FOCAD: variants seen among roughly 807,000 people sequenced by gnomAD.
FOCAD encodes the protein KIAA1797.
Under a neutral mutation model 225.6 loss-of-function variants are expected in FOCAD, and 198 were observed. The observed-to-expected ratio is 0.88, with a 90% CI of 0.78 to 0.99. FOCAD has a LOEUF of 0.99. Ranked by LOEUF, FOCAD falls within the 50% of genes least tolerant of loss-of-function variation. FOCAD has a pLI of 0.00. For synonymous variants in FOCAD, 897 were observed against 755.0 expected (o/e 1.19, Z -3.08); for missense variants, 2,713 against 2,123.6 (o/e 1.28, Z -5.46).
intron 4 of FOCAD, among the ~76,000 whole-genome samples, chr9:20,731,064 C>T (rs184906280): frequency 1.9e-4 from 29 of 152,208 alleles, no homozygotes; most frequent in Admixed American, 1.0e-3. Flanking sequence ...GGCAAAACCC[C>T]ATCTCTACTA....
chr9:20,817,566 T>G lies in FOCAD; in HGVS notation c.1456-2230T>G, dbSNP rs189475568. 6.6e-5 allele frequency among the ~76,000 whole-genome samples: 10 copies of G among 152,196 alleles called. No individual in the cohort carries two copies. In the East Asian group the frequency reaches 1.9e-3, roughly 29 times the overall value. On this transcript the variant is annotated intron_variant, in intron 11 of 43. Coordinates refer to ENST00000338382, the MANE Select transcript of FOCAD (RefSeq NM_001375567.1). Reference sequence around the variant, plus strand: ...TATCCTGTTGTGTGGTTATATTGTATTTTGTTTATTTATTCGTCAGTTGAT... The same window carrying G: ...TATCCTGTTGTGTGGTTATATTGTAGTTTGTTTATTTATTCGTCAGTTGAT...
intron 4 of FOCAD, among the ~76,000 whole-genome samples, chr9:20,725,900 C>T (rs1459062654): frequency 6.6e-6 from 1 of 152,006 alleles, no homozygotes; most frequent in Non-Finnish European, 1.5e-5. Context: ...CAATTGTAAA[C>T]TCGTTTTTAT....
At chr9:20,990,571 A>G (rs1841565848) in intron 42 of FOCAD, among the ~76,000 whole-genome samples, 197 bp downstream of exon 42, 1 of 152,214 alleles carries the variant, frequency 6.6e-6, no homozygotes, top group East Asian at 1.9e-4. Flanking sequence ...TGATTAAACA[A>G]CAAGGTGGCA....
chr9:20,688,442 A>T lies in FOCAD; in HGVS notation c.-33+4149A>T, dbSNP rs749067061. ...CATGAGCAATATCAGATGTATGGGGAGAATAAGATCAGTAGTCTTGGACAT... is the reference window on the plus strand; with the variant it reads ...CATGAGCAATATCAGATGTATGGGGTGAATAAGATCAGTAGTCTTGGACAT... On this transcript the variant is annotated intron_variant, in intron 1 of 43. Transcript: ENST00000338382. Among the ~76,000 whole-genome samples, 46 of 152,180 alleles carry T rather than the reference A, an allele frequency of 3.0e-4. 1 individual carries two copies. The highest frequency in any genetic ancestry group is 1.1e-3 in the Admixed American group (17 of 15,266).
chr9:20,850,899 T>C (rs1827581922), intron 15 of FOCAD, among the ~76,000 whole-genome samples: 2 of 149,992 alleles, frequency 1.3e-5, no homozygotes, highest in Admixed American at 6.7e-5. Flanking sequence ...TGCATGTTTA[T>C]GTATCAGTCT....
chr9:20,916,539 T>A (rs1440047424), intron 23 of FOCAD, among the ~76,000 whole-genome samples: 1 of 152,212 alleles, frequency 6.6e-6, no homozygotes, highest in African/African-American at 2.4e-5. Flanking sequence ...ATTTCAAATG[T>A]GAATTTGGTG....
intron 37 of FOCAD, among the ~76,000 whole-genome samples, chr9:20,981,112 C>T (rs75485350): frequency 2.7e-3 from 416 of 152,274 alleles, no homozygotes; most frequent in African/African-American, 9.5e-3. Context: ...CATGTACTTT[C>T]AGAAGTAGCA....
chr9:20,836,360 T>C (rs1476074464), intron 15 of FOCAD, among the ~76,000 whole-genome samples: 1 of 152,136 alleles, frequency 6.6e-6, no homozygotes, highest in African/African-American at 2.4e-5. Flanking sequence ...CTGGAACCTC[T>C]TTTGTTGTTC....
intron 19 of FOCAD, chr9:20,875,094 G>C (rs1771699174): frequency 3.0e-6 from 1 of 334,648 alleles, no homozygotes; most frequent in Admixed American, 5.1e-5. Flanking sequence ...TATTCCACAA[G>C]ATGAATTTGC....
intron 19 of FOCAD, among the ~76,000 whole-genome samples, chr9:20,876,189 C>T (rs886693895): frequency 1.4e-4 from 22 of 152,138 alleles, no homozygotes; most frequent in Non-Finnish European, 2.6e-4. Context: ...AAAGAAGCCT[C>T]AAAGACTTGT....
intron 28 of FOCAD, 44 bp downstream of exon 28, chr9:20,933,147 C>T: frequency 7.7e-7 from 1 of 1,297,578 alleles, no homozygotes; most frequent in Non-Finnish European, 1.1e-6. Context: ...TTAGACATTG[C>T]TCCCTACACT....
At chr9:20,754,072 T>G (rs1828819213) in intron 5 of FOCAD, among the ~76,000 whole-genome samples, 1 of 152,176 alleles carries the variant, frequency 6.6e-6, no homozygotes, top group Admixed American at 6.5e-5. Flanking sequence ...CAATTTAAAG[T>G]TGTTAACTTG....
chr9:20,900,729 G>A (rs998570817), intron 21 of FOCAD, among the ~76,000 whole-genome samples: 2 of 151,932 alleles, frequency 1.3e-5, no homozygotes, highest in African/African-American at 4.8e-5. Context: ...CTGTATTTTA[G>A]ATACTCCATA....
chr9:20,918,149 A>G (rs1423770484), intron 24 of FOCAD, among the ~76,000 whole-genome samples: 1 of 152,196 alleles, frequency 6.6e-6, no homozygotes, highest in Non-Finnish European at 1.5e-5. Flanking sequence ...TTTACCTGTA[A>G]TAGTTTGTTC....
At chr9:20,730,647 G>A (rs1457634579) in intron 4 of FOCAD, among the ~76,000 whole-genome samples, 2 of 152,160 alleles carry the variant, frequency 1.3e-5, no homozygotes, top group Non-Finnish European at 2.9e-5. Context: ...AGTGAGTTAA[G>A]ATGGAGGGGA....
At chr9:20,981,325 T>C in intron 37 of FOCAD, 101 bp from the exon 38 acceptor site, 1 of 1,330,214 alleles carries the variant, frequency 7.5e-7, no homozygotes, top group Non-Finnish European at 1.0e-6. Context: ...GAACCTTTTA[T>C]CTCTCAGTCT....
At chr9:20,667,974 GT>G (rs1821944536) in intron 2 of FOCAD, among the ~76,000 whole-genome samples, 2 of 152,252 alleles carry the variant, frequency 1.3e-5, no homozygotes, top group African/African-American at 4.8e-5. Context: ...GTTTAAGCGT[GT>G]TTGGACAGGG....
At position 20,865,909 on chromosome 9, in the gene FOCAD, G is replaced by A; in HGVS notation, c.2056-17G>A. On this transcript the variant is annotated splice_polypyrimidine_tract_variant and intron_variant, in intron 16 of 43. Transcript: ENST00000338382. The stretch of plus-strand genomic sequence containing the variant: ...CTTGGTCTTAACAATTTATTCTTTT[G>A]TATGTTAACTTTTCAGAATTTTAAA... 6.3e-7 allele frequency: 1 copy of A among 1,589,056 alleles called. No homozygotes were observed.
intron 1 of FOCAD, among the ~76,000 whole-genome samples, chr9:20,687,471 C>T (rs946983357): frequency 2.0e-5 from 3 of 152,122 alleles, no homozygotes; most frequent in African/African-American, 7.2e-5. Context: ...TCTTGACAAA[C>T]CTTTCTATTT....
Sources: allele counts gnomAD v4.1 joint callset (sites outside exome capture counted in the v4.1 genomes callset), GRCh38; gene constraint gnomAD v4.1.1; transcripts MANE v1.5; gene names NCBI Gene and HGNC (gene_info 2026-07-23, HGNC 2026-07-21).